Variants in CATSPERD observed in about 807,000 individuals in gnomAD.
CATSPERD encodes the protein catsper channel auxiliary subunit delta, also known as cation channel sperm-associated auxiliary subunit delta.
A neutral mutation model predicts 98.1 loss-of-function variants in CATSPERD; 86 were observed. That is an observed-to-expected ratio of 0.88 (90% CI 0.74 to 1.05). The LOEUF (loss-of-function observed/expected upper bound fraction) is 1.05, where lower values mean the gene tolerates loss of function less well. CATSPERD is among the 50% of genes least tolerant of loss of function. CATSPERD has a pLI of 0.00. For missense variants in CATSPERD, 995 were observed against 1,005.7 expected (o/e 0.99, Z 0.14); for synonymous variants, 394 against 390.2 (o/e 1.01, Z -0.12).
rs560117976 is a variant in CATSPERD at position 5,738,950 on chromosome 19, A to G, written c.460-376A>G. ...ATTATGTTGGTCAGGCTGGTCTTGAACTCCTGGCGTCAACTGATCCGCCCG... is the reference window on the plus strand; with the variant it reads ...ATTATGTTGGTCAGGCTGGTCTTGAGCTCCTGGCGTCAACTGATCCGCCCG... On this transcript the variant is annotated intron_variant, in intron 6 of 21. Coordinates refer to ENST00000381624, the MANE Select transcript of CATSPERD (RefSeq NM_152784.4). 1.3e-4 allele frequency among the ~76,000 whole-genome samples: 20 copies of G among 150,094 alleles called. No individual in the cohort carries two copies. The South Asian group carries it at 3.8e-3, about 29-fold the overall frequency.
chr19:5,723,897 C>T (rs1016524254), intron 1 of CATSPERD, among the ~76,000 whole-genome samples: 1 of 152,010 alleles, frequency 6.6e-6, no homozygotes, highest in Non-Finnish European at 1.5e-5. Context: ...CTGCCTCAGC[C>T]TCCTGAGTAG....
At chr19:5,775,255 A>G (rs1221464240) in intron 20 of CATSPERD, 9 of 471,304 alleles carry the variant, frequency 1.9e-5, no homozygotes, top group Admixed American at 1.9e-4. Context: ...GTTTTAAAGA[A>G]GAGGCATGGG....
intron 11 of CATSPERD, among the ~76,000 whole-genome samples, chr19:5,751,192 C>T (rs1343917660): frequency 5.2e-4 from 42 of 80,756 alleles, no homozygotes; most frequent in African/African-American, 2.2e-3. Flanking sequence ...AACAAGATTC[C>T]GTCTCAAAAA....
In CATSPERD at chr19:5,770,999, T is replaced by A. The variant is rs749839049; in HGVS notation, c.1690T>A (p.Phe564Ile). Residue 564 changes from phenylalanine (F) to isoleucine (I), a missense_variant, in exon 19 of 22, where the codon TTT becomes ATT. By Grantham distance (21) the Phe-to-Ile change is conservative. Around this residue, in one of 3 missense-constraint regions of CATSPERD, gnomAD observed 762 missense variants for 773.7 expected, o/e 0.98. Transcript: ENST00000381624. Reference sequence around the variant, plus strand: ...GCAGTCCTCCGAGGACCTGCACGTGTTTTACTCCTACCAGCAGCTGGGCTG... The same window carrying A: ...GCAGTCCTCCGAGGACCTGCACGTGATTTACTCCTACCAGCAGCTGGGCTG... ...GQQSSEDLHV[F>I]YSYQQLGCPL... The A allele has an allele frequency of 1.9e-6, 3 of 1,613,830 alleles. No individual in the cohort carries two copies. The Admixed American group carries it at 5.0e-5, about 27-fold the overall frequency.
intron 3 of CATSPERD, among the ~76,000 whole-genome samples, chr19:5,728,356 C>CAAAAAAA (rs564166119): frequency 3.7e-5 from 3 of 80,938 alleles, no homozygotes; most frequent in Non-Finnish European, 7.1e-5. Flanking sequence ...GACTCTGTCT[C>CAAAAAAA]AAAAAAAAAA....
intron 17 of CATSPERD, among the ~76,000 whole-genome samples, chr19:5,767,055 C>T (rs2056551220): frequency 6.6e-6 from 1 of 151,180 alleles, no homozygotes; most frequent in Non-Finnish European, 1.5e-5. Context: ...CGGTGGCTCA[C>T]GCCTGTAATC....
chr19:5,753,718 AT>A (rs1406036952), intron 12 of CATSPERD: 6 of 261,094 alleles, frequency 2.3e-5, no homozygotes, highest in South Asian at 3.6e-5. Context: ...AAAAAAAAAA[AT>A]TGAATTAGCC....
chr19:5,741,531 T>C (rs777247372), intron 7 of CATSPERD, among the ~76,000 whole-genome samples: 1 of 152,036 alleles, frequency 6.6e-6, no homozygotes, highest in African/African-American at 2.4e-5. Context: ...CTCTTCAACG[T>C]AGAGCTCTTT....
At chr19:5,758,053 C>T (rs1205455965) in intron 14 of CATSPERD, 121 bp downstream of exon 14, 8 of 734,968 alleles carry the variant, frequency 1.1e-5, no homozygotes, top group East Asian at 6.2e-5. Context: ...CCGTGCCCCG[C>T]GGTGGGAAGA....
intron 20 of CATSPERD, 63 bp downstream of exon 20, chr19:5,773,028 G>C (rs1231746124): frequency 6.6e-7 from 1 of 1,519,620 alleles, no homozygotes; most frequent in Non-Finnish European, 9.0e-7. Flanking sequence ...GGGAGAGTGC[G>C]TGAGGACACC....
chr19:5,749,319 C>G, intron 11 of CATSPERD, 136 bp downstream of exon 11: 2 of 464,474 alleles, frequency 4.3e-6, no homozygotes, highest in Non-Finnish European at 3.8e-6. Context: ...TGGTGAAACC[C>G]TGTCTCTACT....
chr19:5,725,516 G>A, intron 2 of CATSPERD, among the ~76,000 whole-genome samples: 1 of 152,098 alleles, frequency 6.6e-6, no homozygotes. Flanking sequence ...TTTACCTCAT[G>A]TAATGTCACA....
At chr19:5,722,738 C>A (rs1029373313) in intron 1 of CATSPERD, among the ~76,000 whole-genome samples, 13 of 151,836 alleles carry the variant, frequency 8.6e-5, no homozygotes, top group African/African-American at 2.2e-4. Flanking sequence ...AGACCCCCCC[C>A]CCCGCAACCC....
At chr19:5,745,289 T>C (rs1192792550) in intron 8 of CATSPERD, among the ~76,000 whole-genome samples, 1 of 151,604 alleles carries the variant, frequency 6.6e-6, no homozygotes, top group African/African-American at 2.4e-5. Flanking sequence ...TATAAACAAC[T>C]CATGGATGAG....
At chr19:5,764,813 C>T (rs981989391) in intron 16 of CATSPERD, among the ~76,000 whole-genome samples, 1 of 151,954 alleles carries the variant, frequency 6.6e-6, no homozygotes, top group African/African-American at 2.4e-5. Context: ...TGGGGTTTCA[C>T]CACATTGGCC....
intron 21 of CATSPERD, 25 bp from the exon 22 acceptor site, chr19:5,778,351 C>T (rs2056769476): frequency 6.3e-7 from 1 of 1,577,830 alleles, no homozygotes; most frequent in Non-Finnish European, 8.6e-7. Context: ...GCCCAACAGC[C>T]TCTCCCCGCC....
chr19:5,767,622 G>T (rs2145847662), intron 17 of CATSPERD, among the ~76,000 whole-genome samples: 1 of 147,132 alleles, frequency 6.8e-6, no homozygotes, highest in African/African-American at 2.5e-5. Context: ...GAGTAGCTGG[G>T]ACTACAGGCG....
intron 15 of CATSPERD, among the ~76,000 whole-genome samples, chr19:5,760,939 CAA>C (rs531768263): frequency 3.0e-5 from 4 of 134,348 alleles, no homozygotes; most frequent in African/African-American, 5.5e-5. Flanking sequence ...ACCCCCATCT[CAA>C]AAAAAAAAAA....
At chr19:5,726,948 C>T (rs1490925989) in intron 2 of CATSPERD, among the ~76,000 whole-genome samples, 2 of 152,172 alleles carry the variant, frequency 1.3e-5, no homozygotes, top group African/African-American at 4.8e-5. Flanking sequence ...AATCCCAGCA[C>T]TTTGGGAGGC....
Sources: allele counts gnomAD v4.1 joint callset (sites outside exome capture counted in the v4.1 genomes callset), GRCh38; gene constraint gnomAD v4.1.1; regional missense constraint gnomAD v4.1.1; transcripts MANE v1.5; gene names NCBI Gene and HGNC (gene_info 2026-07-23, HGNC 2026-07-21).